Variants in CALN1 observed in about 807,000 individuals in gnomAD.
CALN1 encodes calcium-binding protein 8.
In CALN1, 17 loss-of-function variants were observed where a neutral mutation model predicts 30.6. The ratio of observed to expected loss-of-function variants is 0.56; its 90% CI spans 0.38 to 0.83. The LOEUF (loss-of-function observed/expected upper bound fraction) is 0.83. CALN1 is among the 40% of genes least tolerant of loss of function. CALN1 has a pLI of 0.00. For synonymous variants in CALN1, 156 were observed against 131.4 expected (o/e 1.19, Z -1.28); for missense variants, 291 against 354.9 (o/e 0.82, Z 1.45).
At chr7:72,146,586 A>G (rs1482638412) in intron 3 of CALN1, among the ~76,000 whole-genome samples, 3 of 152,202 alleles carry the variant, frequency 2.0e-5, no homozygotes, top group Admixed American at 2.0e-4. Context: ...CAAGCTACTA[A>G]TGACTTTCTT....
At chr7:72,390,651 C>T in intron 2 of CALN1, among the ~76,000 whole-genome samples, 1 of 152,126 alleles carries the variant, frequency 6.6e-6, no homozygotes, top group Non-Finnish European at 1.5e-5. Flanking sequence ...ATTAGCAATG[C>T]CCGACTGTGC....
At chr7:72,443,153 T>G (rs1188698081) in intron 1 of CALN1, among the ~76,000 whole-genome samples, 1 of 152,202 alleles carries the variant, frequency 6.6e-6, no homozygotes, top group Non-Finnish European at 1.5e-5. Flanking sequence ...GCTGTATTTC[T>G]CTCAAGAGCG....
At chr7:72,314,011 G>A (rs1033845237) in intron 2 of CALN1, among the ~76,000 whole-genome samples, 1 of 152,194 alleles carries the variant, frequency 6.6e-6, no homozygotes, top group Non-Finnish European at 1.5e-5. Context: ...CCTCACCCAT[G>A]GAGTCAGCAC....
chr7:72,197,025 G>A (rs1007867558), intron 3 of CALN1, among the ~76,000 whole-genome samples: 3 of 152,064 alleles, frequency 2.0e-5, no homozygotes, highest in Non-Finnish European at 2.9e-5. Context: ...CTTTAAGAAT[G>A]GATGCACTTA....
intron 2 of CALN1, among the ~76,000 whole-genome samples, chr7:72,399,511 C>G (rs1370113182): frequency 6.6e-6 from 1 of 151,974 alleles, no homozygotes; most frequent in Non-Finnish European, 1.5e-5. Context: ...CCTCGTGATC[C>G]ACCCACCTCG....
the CALN1 span, among the ~76,000 whole-genome samples, chr7:72,462,165 T>C: frequency 6.6e-6 from 1 of 151,900 alleles, no homozygotes; most frequent in Non-Finnish European, 1.5e-5. Flanking sequence ...TATGTATGTA[T>C]GTATGTATGT....
intron 5 of CALN1, among the ~76,000 whole-genome samples, chr7:71,910,755 C>A (rs949485435): frequency 6.6e-6 from 1 of 152,202 alleles, no homozygotes; most frequent in African/African-American, 2.4e-5. Context: ...CCCCCTGAAG[C>A]TACCCTTGTT....
In CALN1 at chr7:71,897,969, AAAC is replaced by A. The variant is rs1189675109; in HGVS notation, c.502-87480_502-87478del. On this transcript the variant is annotated intron_variant, in intron 5 of 6. Coordinates refer to ENST00000395275, the MANE Select transcript of CALN1 (RefSeq NM_031468.4). The stretch of plus-strand genomic sequence containing the variant: ...AGGAGTAGTGTTGGAAAAAAACAAA[AAAC>A]AAAAAAAAAAAAAAAAAAAAGAGAG... Among the ~76,000 whole-genome samples, 587 of 117,302 alleles carry A rather than the reference AAAC, an allele frequency of 5.0e-3. 22 individuals carry two copies. The highest frequency in any genetic ancestry group is 0.023 in the African/African-American group (556 of 24,520). The allele number at this position is 117,302 out of a possible 152,430, so 77.0% of individuals were successfully genotyped here.
intron 3 of CALN1, among the ~76,000 whole-genome samples, chr7:72,183,105 C>T (rs879550928): frequency 8.6e-5 from 13 of 152,042 alleles, no homozygotes; most frequent in African/African-American, 1.9e-4. Context: ...ACTCTGTCAC[C>T]CAGGCTGGAA....
intron 3 of CALN1, among the ~76,000 whole-genome samples, chr7:72,205,788 T>C (rs1213897136): frequency 6.6e-6 from 1 of 151,578 alleles, no homozygotes; most frequent in Non-Finnish European, 1.5e-5. Context: ...TACAGTGCAA[T>C]CTCTAACAGC....
intron 5 of CALN1, among the ~76,000 whole-genome samples, chr7:71,977,009 A>G (rs149486287): frequency 1.4e-3 from 213 of 152,336 alleles, no homozygotes; most frequent in African/African-American, 4.7e-3. Context: ...TCTAATAAAA[A>G]TACTGCCTTG....
At chr7:72,317,572 C>A (rs1800571461) in intron 2 of CALN1, among the ~76,000 whole-genome samples, 1 of 152,194 alleles carries the variant, frequency 6.6e-6, no homozygotes, top group African/African-American at 2.4e-5. Flanking sequence ...GCTGCAAACG[C>A]TGGAGACAGA....
At chr7:71,969,479 A>T (rs1284388840) in intron 5 of CALN1, among the ~76,000 whole-genome samples, 1 of 152,206 alleles carries the variant, frequency 6.6e-6, no homozygotes, top group Non-Finnish European at 1.5e-5. Flanking sequence ...ATACATAAAT[A>T]AATCATGACA....
intron 4 of CALN1, among the ~76,000 whole-genome samples, chr7:72,102,833 G>A (rs1183852417): frequency 6.6e-6 from 1 of 152,066 alleles, no homozygotes; most frequent in Non-Finnish European, 1.5e-5. Context: ...CCAGCACTTT[G>A]GGAGGCCAAG....
chr7:72,364,519 C>G (rs1462873880), intron 2 of CALN1, among the ~76,000 whole-genome samples: 2 of 152,188 alleles, frequency 1.3e-5, no homozygotes, highest in East Asian at 1.9e-4. Context: ...TTTTGTGTCT[C>G]TCTCTCTTTT....
At chr7:72,068,307 A>G (rs1262111457) in intron 4 of CALN1, among the ~76,000 whole-genome samples, 1 of 152,260 alleles carries the variant, frequency 6.6e-6, no homozygotes, top group Non-Finnish European at 1.5e-5. Context: ...GATGAGAAAT[A>G]GATACGAGAA....
rs113755039 is a variant in CALN1 at position 72,284,290 on chromosome 7, G to C, written c.120-5480C>G. Among the ~76,000 whole-genome samples the C allele has an allele frequency of 7.1e-3, 1,080 of 152,262 alleles. 10 individuals are homozygous for C. The highest frequency in any genetic ancestry group is 0.023 in the African/African-American group (973 of 41,548). On this transcript the variant is annotated intron_variant, in intron 2 of 6. Transcript: ENST00000395275. ...AGCCTGGGCAACAGAGGGAGACCTT[G>C]TCTCTAAAAAGTTAATTAAATAAAT...
intron 1 of CALN1, among the ~76,000 whole-genome samples, chr7:72,430,703 C>T (rs1371316602): frequency 6.6e-6 from 1 of 152,136 alleles, no homozygotes; most frequent in African/African-American, 2.4e-5. Flanking sequence ...GCAATGCCAG[C>T]TCTAAGGACC....
chr7:72,021,019 T>G (rs1800673004), intron 5 of CALN1, among the ~76,000 whole-genome samples: 1 of 152,038 alleles, frequency 6.6e-6, no homozygotes, highest in Non-Finnish European at 1.5e-5. Context: ...TCCTGTAAAC[T>G]CAGCACTTTA....
Sources: allele counts gnomAD v4.1 joint callset (sites outside exome capture counted in the v4.1 genomes callset), GRCh38; gene constraint gnomAD v4.1.1; transcripts MANE v1.5; gene names NCBI Gene and HGNC (gene_info 2026-07-23, HGNC 2026-07-21).